The following ARFGAP3 variants were observed in gnomAD, a reference collection of about 807,000 sequenced individuals.
The protein encoded by ARFGAP3 is ADP-ribosylation factor GTPase-activating protein 3.
In ARFGAP3, 72 loss-of-function variants were observed where a neutral mutation model predicts 75.0. That is an observed-to-expected ratio of 0.96 (90% CI 0.79 to 1.17). The LOEUF is 1.17. ARFGAP3 is among the 50% of genes most tolerant of loss of function. The probability of loss-of-function intolerance (pLI) is 0.00; values close to 1 mark genes in which losing one functional copy is unlikely to be tolerated. For synonymous variants in ARFGAP3, 221 were observed against 217.9 expected, an observed-to-expected ratio of 1.01 and a Z score of -0.13; for missense variants, 620 against 626.6, an observed-to-expected ratio of 0.99 and a Z score of 0.11.
chr22:42,816,483 C>G (rs1925586166), intron 11 of ARFGAP3, among the ~76,000 whole-genome samples: 1 of 152,198 alleles, frequency 6.6e-6, no homozygotes, highest in Non-Finnish European at 1.5e-5. Flanking sequence ...TAGCAGACCT[C>G]TCACTGGGCC....
intron 11 of ARFGAP3, among the ~76,000 whole-genome samples, chr22:42,811,966 TG>T (rs1208575019): frequency 6.6e-6 from 1 of 152,032 alleles, no homozygotes; most frequent in African/African-American, 2.4e-5. Flanking sequence ...TGCTTGAGCC[TG>T]GGAGTTCCAG....
chr22:42,799,373 G>C (rs921458109), intron 14 of ARFGAP3: 46 of 367,742 alleles, frequency 1.3e-4, no homozygotes, highest in Non-Finnish European at 1.6e-4. Flanking sequence ...ATGTAGTATG[G>C]GGGACTTAAC....
rs373013240 is a variant in ARFGAP3 at position 42,799,137 on chromosome 22, G to A, written c.1435C>T (p.Leu479=). 1 of 1,614,014 alleles carries A rather than the reference G, an allele frequency of 6.2e-7. No homozygotes were observed. The highest frequency in any genetic ancestry group is 1.3e-5 in the African/African-American group (1 of 74,904). ...TGCGCCATGTCGGGGGCGTTGGGCAGCACACTGGACAGGCTGTAGTTCCCT... is the reference window on the plus strand; with the variant it reads ...TGCGCCATGTCGGGGGCGTTGGGCAACACACTGGACAGGCTGTAGTTCCCT... ...PAGNYSLSSV[L]PNAPDMAQFK... is the part of the protein sequence containing the mutation. Residue 479 remains leucine (L), a synonymous_variant, in exon 15 of 16, where the codon CTG becomes TTG. Transcript: ENST00000263245.
chr22:42,804,201 T>C (rs1241809352), intron 14 of ARFGAP3, among the ~76,000 whole-genome samples: 1 of 151,298 alleles, frequency 6.6e-6, no homozygotes, highest in East Asian at 2.0e-4. Flanking sequence ...CCAAGCAGAA[T>C]AGTTTCTTTT....
chr22:42,830,161 G>A (rs752486716), intron 6 of ARFGAP3, among the ~76,000 whole-genome samples: 10 of 151,830 alleles, frequency 6.6e-5, no homozygotes, highest in Admixed American at 1.3e-4. Flanking sequence ...TGTCACCCAC[G>A]CTGGAGAGTG....
chr22:42,816,062 C>T (rs546791776), intron 11 of ARFGAP3, among the ~76,000 whole-genome samples: 3 of 152,180 alleles, frequency 2.0e-5, no homozygotes, highest in South Asian at 2.1e-4. Flanking sequence ...TGCAGTGAGC[C>T]GAGATCATGC....
chr22:42,857,184 G>A lies in ARFGAP3; in HGVS notation c.-2C>T. 6.6e-7 allele frequency: 1 copy of A among 1,511,744 alleles called. No homozygotes were observed. The highest frequency in any genetic ancestry group is 2.8e-5 in the East Asian group (1 of 35,986). The allele number at this position is 1,511,744 out of a possible 1,614,324, so 93.6% of individuals were successfully genotyped here. Reference sequence around the variant, plus strand: ...GTCCTGCTTGCTGGGGTCCCCCATCGTCAGCTGTGAGCCGCGGCGCAGCTG... The same window carrying A: ...GTCCTGCTTGCTGGGGTCCCCCATCATCAGCTGTGAGCCGCGGCGCAGCTG... On this transcript the variant is annotated 5_prime_UTR_variant, in exon 1 of 16. In the 5' UTR this introduces an upstream ATG that the reference lacks. Coordinates refer to ENST00000263245, the MANE Select transcript of ARFGAP3 (RefSeq NM_014570.5).
intron 1 of ARFGAP3, among the ~76,000 whole-genome samples, chr22:42,856,198 C>A (rs562701309): frequency 6.6e-6 from 1 of 152,338 alleles, no homozygotes; most frequent in Admixed American, 6.5e-5. Context: ...AAAATATGGG[C>A]TCCCCTGTAC....
At chr22:42,802,420 G>T (rs1924908544) in intron 14 of ARFGAP3, among the ~76,000 whole-genome samples, 2 of 151,020 alleles carry the variant, frequency 1.3e-5, no homozygotes, top group African/African-American at 4.9e-5. Context: ...GGAGTAGCTG[G>T]GACTACAGGT....
In ARFGAP3 at chr22:42,835,579, T is replaced by C. The variant is rs1291626617; in HGVS notation, c.262-86A>G. 13 of 1,503,590 alleles carry C rather than the reference T, an allele frequency of 8.6e-6. No individual in the cohort carries two copies. The East Asian group carries it at 2.6e-4, about 30-fold the overall frequency. The allele number at this position is 1,503,590 out of a possible 1,614,324, so 93.1% of individuals were successfully genotyped here. A position where few individuals can be genotyped will look rare whatever the true frequency, so the allele number is the denominator to read the frequency against. On this transcript the variant is annotated intron_variant, in intron 3 of 15. Transcript: ENST00000263245. Reference sequence around the variant, plus strand: ...GCTCATGCCTGTAATCCCAGCACTCTGGGAGGCCGAGGCAGGCAGATCACG... The same window carrying C: ...GCTCATGCCTGTAATCCCAGCACTCCGGGAGGCCGAGGCAGGCAGATCACG...
intron 6 of ARFGAP3, among the ~76,000 whole-genome samples, chr22:42,830,934 A>T (rs1236286755): frequency 6.6e-6 from 1 of 152,118 alleles, no homozygotes; most frequent in East Asian, 1.9e-4. Context: ...TACAAAAATG[A>T]TTATTATATT....
intron 2 of ARFGAP3, among the ~76,000 whole-genome samples, chr22:42,844,177 G>GT (rs1005090551): frequency 4.8e-5 from 7 of 145,012 alleles, no homozygotes; most frequent in South Asian, 2.3e-4. Flanking sequence ...TTAGCTAGTG[G>GT]TTTTTTTTGT....
chr22:42,822,500 G>C (rs188234246), intron 8 of ARFGAP3, 91 bp from the exon 9 acceptor site: 8 of 1,475,256 alleles, frequency 5.4e-6, no homozygotes, highest in Non-Finnish European at 7.3e-6. Flanking sequence ...GACCTGCCAG[G>C]CACTGTGACA....
At chr22:42,837,953 G>A (rs985114162) in intron 3 of ARFGAP3, among the ~76,000 whole-genome samples, 1 of 151,098 alleles carries the variant, frequency 6.6e-6, no homozygotes. Context: ...ATTACAGGTA[G>A]GAGCAACCAT....
At chr22:42,836,310 C>T (rs951099190) in intron 3 of ARFGAP3, among the ~76,000 whole-genome samples, 5 of 152,072 alleles carry the variant, frequency 3.3e-5, no homozygotes, top group African/African-American at 1.2e-4. Flanking sequence ...CTGACTCTGT[C>T]ACCTAGGCTG....
At chr22:42,808,505 A>G (rs1925225283) in intron 13 of ARFGAP3, among the ~76,000 whole-genome samples, 1 of 152,256 alleles carries the variant, frequency 6.6e-6, no homozygotes, top group African/African-American at 2.4e-5. Context: ...AAGATACTGG[A>G]TAATGGCTAT....
intron 11 of ARFGAP3, among the ~76,000 whole-genome samples, chr22:42,811,365 G>A (rs556903892): frequency 6.6e-5 from 10 of 152,298 alleles, no homozygotes; most frequent in Admixed American, 2.6e-4. Context: ...GTATAACTTG[G>A]CCTATCCAGA....
intron 7 of ARFGAP3, among the ~76,000 whole-genome samples, chr22:42,825,988 A>G (rs192777143): frequency 6.6e-6 from 1 of 152,316 alleles, no homozygotes; most frequent in African/African-American, 2.4e-5. Flanking sequence ...TCAAGTGTGA[A>G]AAAGATGCTT....
intron 9 of ARFGAP3, 191 bp from the exon 10 acceptor site, chr22:42,818,048 A>G (rs965078374): frequency 2.2e-5 from 7 of 311,222 alleles, no homozygotes; most frequent in Non-Finnish European, 2.8e-5. Context: ...AATTTGAATG[A>G]GCTTACAGCC....
Sources: allele counts gnomAD v4.1 joint callset (sites outside exome capture counted in the v4.1 genomes callset), GRCh38; gene constraint gnomAD v4.1.1; transcripts MANE v1.5; gene names NCBI Gene and HGNC (gene_info 2026-07-23, HGNC 2026-07-21).